INTS4: variants seen among roughly 807,000 people sequenced by gnomAD.
INTS4 encodes MSTP093.
A neutral mutation model predicts 119.5 loss-of-function variants in INTS4; 70 were observed. That is an observed-to-expected ratio of 0.59 (90% confidence interval 0.48 to 0.71). The LOEUF is 0.71. Ranked by LOEUF, INTS4 falls within the 30% of genes least tolerant of loss-of-function variation. The pLI is 0.00. For synonymous variants in INTS4, 316 were observed against 419.6 expected (o/e 0.75, Z 3.02); for missense variants, 867 against 1,173.2 (o/e 0.74, Z 3.81).
Position 77,981,379 on chromosome 11 carries a change from A to T in INTS4, c.364+80T>A. On this transcript the variant is annotated intron_variant, in intron 3 of 22. Transcript: ENST00000534064. ...TTCCTCTTCAATAACAATCAACACA[A>T]CAAAATTTTGTCCTAAATTCTATAC... is the stretch of plus-strand genomic sequence containing the variant. 5.2e-6 allele frequency: 3 copies of T among 575,722 alleles called. No individual in the cohort carries two copies. In the East Asian group the frequency reaches 9.1e-5, roughly 18 times the overall value. 35.7% of individuals were successfully genotyped at this position (575,722 alleles called of 1,614,324 possible).
intron 4 of INTS4, chr11:77,978,792 T>A (rs565008150): frequency 2.9e-6 from 1 of 339,866 alleles, no homozygotes; most frequent in South Asian, 4.0e-5. Context: ...TTAGGCACAA[T>A]ATACACAGTA....
chr11:77,904,193 TC>T (rs1952869642), intron 16 of INTS4, among the ~76,000 whole-genome samples: 1 of 152,158 alleles, frequency 6.6e-6, no homozygotes, highest in South Asian at 2.1e-4. Context: ...CATGACCTCA[TC>T]CCTTGCACAA....
At position 77,921,500 on chromosome 11, in the gene INTS4, T is replaced by C. The variant is rs576740078; in HGVS notation, c.1631-27A>G. ...TGATAGATGACTGGGTTAAGTAAAC[T>C]TGGAAGTATAAAAGGTTGGCCAGAT... On this transcript the variant is annotated intron_variant, in intron 13 of 22. Transcript: ENST00000534064. 24 of 1,568,304 alleles carry C rather than the reference T, an allele frequency of 1.5e-5. No homozygotes were observed. The Admixed American group carries it at 2.3e-4, about 15-fold the overall frequency.
intron 2 of INTS4, among the ~76,000 whole-genome samples, chr11:77,985,845 A>G (rs377067662): frequency 5.6e-4 from 86 of 152,338 alleles, no homozygotes; most frequent in African/African-American, 1.9e-3. Flanking sequence ...TGCATCCTCC[A>G]TAGCTACTAG....
intron 11 of INTS4, among the ~76,000 whole-genome samples, chr11:77,925,893 A>G (rs1251396701): frequency 2.0e-5 from 3 of 152,226 alleles, no homozygotes; most frequent in African/African-American, 7.2e-5. Context: ...TCACATAGCT[A>G]GCTTCTGTTT....
chr11:77,926,174 A>T (rs1953493254), intron 11 of INTS4, among the ~76,000 whole-genome samples: 1 of 147,102 alleles, frequency 6.8e-6, no homozygotes, highest in Admixed American at 6.8e-5. Flanking sequence ...GCAGGGTAGG[A>T]TCTTGACATA....
chr11:77,891,405 GC>G lies in INTS4; in HGVS notation c.2505del (p.Leu835PhefsTer40). 1 of 1,613,078 alleles carries G rather than the reference GC, an allele frequency of 6.2e-7. No homozygotes were observed. The highest frequency in any genetic ancestry group is 8.5e-7 in the Non-Finnish European group (1 of 1,179,480). On this transcript the variant is annotated frameshift_variant, in exon 21 of 23. Coordinates refer to ENST00000534064, the MANE Select transcript of INTS4 (RefSeq NM_033547.4). LOFTEE classifies it high-confidence loss of function. Reference sequence around the variant, plus strand: ...GCAACCACCAACCCAGAGGTAAACCGCAAAGGGTTGTCTGACTCGCCCGCTG... The same window carrying G: ...GCAACCACCAACCCAGAGGTAAACCGAAAGGGTTGTCTGACTCGCCCGCTG... ...IEPAGESDNPLRFTSGLVVAL... is the reference protein window; with the variant it reads ...IEPAGESDNPXRFTSGLVVAL...
chr11:77,980,786 C>G (rs1237068756), intron 3 of INTS4, among the ~76,000 whole-genome samples: 1 of 152,022 alleles, frequency 6.6e-6, no homozygotes, highest in Non-Finnish European at 1.5e-5. Context: ...GTCAGGAGAT[C>G]AAGACCATCA....
At chr11:77,900,835 T>C (rs1952756847) in intron 18 of INTS4, 1 of 566,870 alleles carries the variant, frequency 1.8e-6, no homozygotes, top group African/African-American at 1.9e-5. Flanking sequence ...GAGCTCTTAT[T>C]ACGTATCAAG....
intron 10 of INTS4, among the ~76,000 whole-genome samples, chr11:77,933,213 T>C (rs1673503655): frequency 6.7e-6 from 1 of 149,644 alleles, no homozygotes; most frequent in Non-Finnish European, 1.5e-5. Flanking sequence ...CCCCTCTCCA[T>C]CCCCCTCTCC....
intron 16 of INTS4, among the ~76,000 whole-genome samples, chr11:77,905,756 T>G (rs774233819): frequency 6.6e-6 from 1 of 152,240 alleles, no homozygotes; most frequent in South Asian, 2.1e-4. Flanking sequence ...GGGCACAGTA[T>G]TTCAGATGAC....
rs1467082718 is a variant in INTS4 at position 77,883,840 on chromosome 11, G to A, written c.2705C>T (p.Ala902Val). 8.7e-6 allele frequency: 14 copies of A among 1,612,854 alleles called. No individual in the cohort carries two copies. The highest frequency in any genetic ancestry group is 1.2e-5 in the Non-Finnish European group (14 of 1,179,476). The change falls in exon 22 of 23, where the codon GCT becomes GTT. Residue 902 changes from alanine to valine, a missense_variant. Ala to Val is a moderately conservative substitution (Grantham distance 64). This residue lies in a region of INTS4 where 122 missense variants were observed against 133.2 expected (regional missense o/e 0.92). Transcript: ENST00000534064. Reference sequence around the variant, plus strand: ...TGGTCCTGACTCCTTACCTGTCCAAGCGGTGTGGGAGAGATAAACCTGAGT... The same window carrying A: ...TGGTCCTGACTCCTTACCTGTCCAAACGGTGTGGGAGAGATAAACCTGAGT... ...LITQVYLSHTAWTEACQVEVR... is the reference protein window; with the variant it reads ...LITQVYLSHTVWTEACQVEVR...
Position 77,928,385 on chromosome 11 carries a change from G to A in INTS4, c.1328C>T (p.Thr443Ile), listed in dbSNP as rs756369911. The change falls in exon 11 of 23, where the codon ACC (threonine) becomes ATC (isoleucine). Residue 443 changes from threonine (T) to isoleucine (I), a missense_variant. Physicochemically the swap from Thr to Ile is moderately conservative, Grantham distance 89 (BLOSUM62 -1). Coordinates refer to ENST00000534064, the MANE Select transcript of INTS4 (RefSeq NM_033547.4). ...HTMRKISNNI[T>I]LREDQLDTVL... ...AGTGTCAAGCTGATCTTCTCGGAGG[G>A]TGATGTTGTTAGAGATTTTTCTCAT... 3 of 1,612,986 alleles carry A rather than the reference G, an allele frequency of 1.9e-6. No homozygotes were observed. Among genetic ancestry groups the A allele is most frequent in the Non-Finnish European group, 2.5e-6 (3 of 1,179,398 alleles).
At chr11:77,913,488 T>C (rs1330880742) in intron 15 of INTS4, among the ~76,000 whole-genome samples, 1 of 151,966 alleles carries the variant, frequency 6.6e-6, no homozygotes, top group Non-Finnish European at 1.5e-5. Flanking sequence ...ATTTTTTGTA[T>C]TTTTAGTAGA....
At chr11:77,948,231 C>A (rs1197586184) in intron 8 of INTS4, among the ~76,000 whole-genome samples, 3 of 152,054 alleles carry the variant, frequency 2.0e-5, no homozygotes, top group Admixed American at 2.0e-4. Context: ...AAAGCGTGGC[C>A]CCACAGAAAA....
chr11:77,939,303 C>T lies in INTS4; in HGVS notation c.991-478G>A, dbSNP rs145002420. Among the ~76,000 whole-genome samples the T allele has an allele frequency of 1.7e-3, 254 of 152,300 alleles. 1 individual carries two copies. The highest frequency in any genetic ancestry group is 5.9e-3 in the African/African-American group (245 of 41,560). On this transcript the variant is annotated intron_variant, in intron 9 of 22. Transcript: ENST00000534064. Reference sequence around the variant, plus strand: ...CCATCCTGGCCAACATGGTGAAACTCCATCTCTACTATAAGTACAAAAATT... The same window carrying T: ...CCATCCTGGCCAACATGGTGAAACTTCATCTCTACTATAAGTACAAAAATT...
chr11:77,952,474 AT>A (rs1179445878), intron 8 of INTS4, among the ~76,000 whole-genome samples: 40 of 152,252 alleles, frequency 2.6e-4, no homozygotes, highest in African/African-American at 9.6e-4. Context: ...GTGCTTGTAT[AT>A]AAAGAAGTGG....
At chr11:77,927,698 T>G (rs3018165) in intron 11 of INTS4, among the ~76,000 whole-genome samples, 87,790 of 151,594 alleles carry the variant, frequency 0.58, 25,674 homozygotes, top group African/African-American at 0.61. Context: ...ATCCCTAAGA[T>G]CACTTGCTGC....
At chr11:77,881,741 C>T (rs1436188851) in intron 22 of INTS4, among the ~76,000 whole-genome samples, 1 of 152,148 alleles carries the variant, frequency 6.6e-6, no homozygotes, top group Non-Finnish European at 1.5e-5. Context: ...CAAGCAAGTT[C>T]CCTGCTCTAT....
Sources: gnomAD v4.1 joint callset for allele counts (sites outside exome capture counted in the v4.1 genomes callset) on GRCh38, gnomAD v4.1.1 for gene constraint, gnomAD v4.1.1 regional missense constraint, MANE v1.5 for transcripts, NCBI Gene and HGNC (gene_info 2026-07-23, HGNC 2026-07-21) for gene names.